DNAJC5: variants seen among roughly 807,000 people sequenced by gnomAD.
The protein encoded by DNAJC5 is DnaJ heat shock protein family (Hsp40) member C5.
In DNAJC5, 1 loss-of-function variant was observed where a neutral mutation model predicts 23.2. The observed-to-expected ratio is 0.04, with a 90% confidence interval of 0.02 to 0.20. The LOEUF (loss-of-function observed/expected upper bound fraction) is 0.20, where lower values mean the gene tolerates loss of function less well. Among genes scored for constraint, DNAJC5 ranks in the 10% least tolerant of loss-of-function variants. The pLI, the probability that DNAJC5 is intolerant of heterozygous loss-of-function variation, is 1.00. For missense variants in DNAJC5, 180 were observed against 267.0 expected, an observed-to-expected ratio of 0.67 and a Z score of 2.27; for synonymous variants, 136 against 120.0, an observed-to-expected ratio of 1.13 and a Z score of -0.87.
At chr20:63,927,453 T>C (rs1386852811) in intron 1 of DNAJC5, among the ~76,000 whole-genome samples, 1 of 152,272 alleles carries the variant, frequency 6.6e-6, no homozygotes, top group East Asian at 1.9e-4. Flanking sequence ...GGCAGGAGCA[T>C]TGCTTGAACC....
Position 63,931,124 on chromosome 20 carries a change from G to A in DNAJC5, c.493+102G>A. 1 of 1,267,960 alleles carries A rather than the reference G, an allele frequency of 7.9e-7. No individual in the cohort carries two copies. The highest frequency in any genetic ancestry group is 1.1e-6 in the Non-Finnish European group (1 of 892,348). 78.5% of individuals were successfully genotyped at this position (1,267,960 alleles called of 1,614,324 possible). On this transcript the variant is annotated intron_variant, in intron 4 of 4. Coordinates refer to ENST00000360864, the MANE Select transcript of DNAJC5 (RefSeq NM_025219.3). The surrounding 1 kb of genome is among the most constrained non-coding windows in gnomAD (Gnocchi z 9.6). ...TGTCAAACAGGAGGGCACTGACACT[G>A]TGCCGCGAGTGTTTGTGGTGGCAGC...
intron 1 of DNAJC5, among the ~76,000 whole-genome samples, chr20:63,898,900 A>G (rs149073232): frequency 6.6e-5 from 10 of 152,294 alleles, no homozygotes; most frequent in Non-Finnish European, 1.0e-4. Flanking sequence ...TGATGTTCTG[A>G]TTAGAACGTT....
chr20:63,921,302 C>G (rs2053570016), intron 1 of DNAJC5, among the ~76,000 whole-genome samples: 1 of 152,028 alleles, frequency 6.6e-6, no homozygotes, highest in African/African-American at 2.4e-5. Flanking sequence ...TAAAAGAGTT[C>G]TGACTGAGGC....
chr20:63,899,488 A>T (rs1053773564), intron 1 of DNAJC5, among the ~76,000 whole-genome samples: 47 of 152,268 alleles, frequency 3.1e-4, no homozygotes, highest in Non-Finnish European at 3.4e-4. Flanking sequence ...TTTAATAGAT[A>T]CAGGTCATTA....
At position 63,928,053 on chromosome 20, in the gene DNAJC5, G is replaced by C. The variant is rs952136530; in HGVS notation, c.-11-282G>C. 1.3e-5 allele frequency among the ~76,000 whole-genome samples: 2 copies of C among 152,280 alleles called. No individual in the cohort carries two copies. Among genetic ancestry groups the C allele is most frequent in the Middle Eastern group, 3.4e-3 (1 of 294 alleles). Reference sequence around the variant, plus strand: ...CAGCCTCAAACTCCTGGGCTCAAGCGGTCCTCCCGCCTCAGCCTCCCAAAA... The same window carrying C: ...CAGCCTCAAACTCCTGGGCTCAAGCCGTCCTCCCGCCTCAGCCTCCCAAAA... On this transcript the variant is annotated intron_variant, in intron 1 of 4. Transcript: ENST00000360864. The surrounding 1 kb of genome is among the most constrained non-coding windows in gnomAD (Gnocchi z 4.6).
chr20:63,914,388 C>T (rs1276068298), intron 1 of DNAJC5, among the ~76,000 whole-genome samples: 2 of 152,044 alleles, frequency 1.3e-5, no homozygotes, highest in Non-Finnish European at 2.9e-5. Context: ...GATCTCCGCT[C>T]ACTGCAAGCT....
At chr20:63,925,848 G>A (rs1343954956) in intron 1 of DNAJC5, among the ~76,000 whole-genome samples, 5 of 133,274 alleles carry the variant, frequency 3.8e-5, no homozygotes, top group Non-Finnish European at 8.0e-5. Flanking sequence ...TTTTTTTTGA[G>A]ACGGAGTCTC....
chr20:63,907,235 G>A (rs559843490), intron 1 of DNAJC5, among the ~76,000 whole-genome samples: 1 of 152,300 alleles, frequency 6.6e-6, no homozygotes, highest in Admixed American at 6.5e-5. Flanking sequence ...AATCAGTTAC[G>A]ATGTACGGTG....
At chr20:63,910,776 G>A (rs6011221) in intron 1 of DNAJC5, among the ~76,000 whole-genome samples, 1 of 151,394 alleles carries the variant, frequency 6.6e-6, no homozygotes, top group East Asian at 2.0e-4. Context: ...AGGTTCAAGC[G>A]ATTCTCCTGC....
chr20:63,897,808 G>A (rs2053384800), intron 1 of DNAJC5, among the ~76,000 whole-genome samples: 1 of 152,282 alleles, frequency 6.6e-6, no homozygotes, highest in African/African-American at 2.4e-5. Flanking sequence ...CTGTGACAGA[G>A]CCACAGAGGC....
chr20:63,902,666 C>T (rs1358845460), intron 1 of DNAJC5, among the ~76,000 whole-genome samples: 1 of 145,246 alleles, frequency 6.9e-6, no homozygotes, highest in African/African-American at 2.5e-5. Flanking sequence ...ACGCACCTGG[C>T]CTCATCTTGT....
rs2053666317 is a variant in DNAJC5 at position 63,931,086 on chromosome 20, T to C, written c.493+64T>C. ...CAGAGCCAGAATGGGCCCTGAATGG[T>C]GTCAACCTGTCTTGTCAAACAGGAG... On this transcript the variant is annotated intron_variant, in intron 4 of 4. Transcript: ENST00000360864. The surrounding 1 kb of genome is among the most constrained non-coding windows in gnomAD (Gnocchi z 9.6). The C allele has an allele frequency of 1.3e-6, 2 of 1,535,824 alleles. No homozygotes were observed. The highest frequency in any genetic ancestry group is 2.3e-5 in the East Asian group (1 of 44,240).
At position 63,929,006 on chromosome 20, in the gene DNAJC5, G is replaced by T. The variant is rs2053638993; in HGVS notation, c.108-306G>T. Reference sequence around the variant, plus strand: ...CGTGCTTACCGTTCACTTGGCACTTGTGCAGTTAGCGGCTGGGACACCAGG... The same window carrying T: ...CGTGCTTACCGTTCACTTGGCACTTTTGCAGTTAGCGGCTGGGACACCAGG... On this transcript the variant is annotated intron_variant, in intron 2 of 4. Transcript: ENST00000360864. The surrounding 1 kb of genome is among the most constrained non-coding windows in gnomAD (Gnocchi z 8.6). Among the ~76,000 whole-genome samples, 3 of 152,268 alleles carry T rather than the reference G, an allele frequency of 2.0e-5. No individual in the cohort carries two copies. Among genetic ancestry groups the T allele is most frequent in the Admixed American group, 1.3e-4 (2 of 15,290 alleles).
At chr20:63,909,363 C>T (rs1044440486) in intron 1 of DNAJC5, among the ~76,000 whole-genome samples, 12 of 151,932 alleles carry the variant, frequency 7.9e-5, no homozygotes, top group South Asian at 2.1e-4. Flanking sequence ...ATTAGCCGGG[C>T]GTGGTGGCGG....
chr20:63,898,632 G>A (rs6011211), intron 1 of DNAJC5, among the ~76,000 whole-genome samples: 68,848 of 151,946 alleles, frequency 0.45, 18,079 homozygotes, highest in East Asian at 0.94. Flanking sequence ...TCTTGAGATC[G>A]AGAGATCGAG....
intron 1 of DNAJC5, among the ~76,000 whole-genome samples, chr20:63,909,916 C>T (rs930154280): frequency 6.6e-6 from 1 of 152,184 alleles, no homozygotes; most frequent in African/African-American, 2.4e-5. Context: ...GCAGCATGAC[C>T]TCGTGGTTAC....
At chr20:63,907,634 G>T (rs1228820836) in intron 1 of DNAJC5, among the ~76,000 whole-genome samples, 2 of 152,158 alleles carry the variant, frequency 1.3e-5, no homozygotes, top group East Asian at 1.9e-4. Flanking sequence ...CAGGCACGTG[G>T]TAAGTGTTTC....
chr20:63,931,392 G>C lies in DNAJC5; in HGVS notation c.494-73G>C. On this transcript the variant is annotated intron_variant, in intron 4 of 4. Transcript: ENST00000360864. The surrounding 1 kb of genome is among the most constrained non-coding windows in gnomAD (Gnocchi z 9.6). Reference sequence around the variant, plus strand: ...GAGTTTGTCCAGGTGCCCGAAAGTCGCTCCACAGGACCAGCGTTGGGTGCG... The same window carrying C: ...GAGTTTGTCCAGGTGCCCGAAAGTCCCTCCACAGGACCAGCGTTGGGTGCG... 5 of 1,401,428 alleles carry C rather than the reference G, an allele frequency of 3.6e-6. No individual in the cohort carries two copies. In the South Asian group the frequency reaches 6.1e-5, roughly 17 times the overall value. 86.8% of individuals were successfully genotyped at this position (1,401,428 alleles called of 1,614,324 possible). A position where few individuals can be genotyped will look rare whatever the true frequency, so the allele number is the denominator to read the frequency against.
rs982753636 is a variant in DNAJC5, at chr20:63,929,874, C to G, written c.321+349C>G. Among the ~76,000 whole-genome samples the G allele has an allele frequency of 3.9e-5, 6 of 152,246 alleles. No individual in the cohort carries two copies. The highest frequency in any genetic ancestry group is 4.8e-5 in the African/African-American group (2 of 41,464). Reference sequence around the variant, plus strand: ...TCTGGGCATATGGAGCCTTTCTCCTCACCTGTGTGATGGGCGAAGCTCTGT... The same window carrying G: ...TCTGGGCATATGGAGCCTTTCTCCTGACCTGTGTGATGGGCGAAGCTCTGT... On this transcript the variant is annotated intron_variant, in intron 3 of 4. Transcript: ENST00000360864. The surrounding 1 kb of genome is among the most constrained non-coding windows in gnomAD (Gnocchi z 8.6).
Sources: allele counts gnomAD v4.1 joint callset (sites outside exome capture counted in the v4.1 genomes callset), GRCh38; gene constraint gnomAD v4.1.1; non-coding constraint Gnocchi (gnomAD v3.1); transcripts MANE v1.5; gene names NCBI Gene and HGNC (gene_info 2026-07-23, HGNC 2026-07-21).